TNRC6C: variants seen among roughly 807,000 people sequenced by gnomAD.
The protein encoded by TNRC6C is trinucleotide repeat-containing gene 6C protein.
In TNRC6C, 20 loss-of-function variants were observed where a neutral mutation model predicts 153.7. The observed-to-expected ratio is 0.13, with a 90% CI of 0.09 to 0.19. The LOEUF (loss-of-function observed/expected upper bound fraction) is 0.19, where lower values mean the gene tolerates loss of function less well. TNRC6C is among the 10% of genes least tolerant of loss of function. The pLI, the probability that TNRC6C is intolerant of heterozygous loss-of-function variation, is 1.00. For synonymous variants in TNRC6C, 811 were observed against 841.4 expected (o/e 0.96, Z 0.63); for missense variants, 1,987 against 2,172.0 (o/e 0.91, Z 1.69).
At chr17:78,072,963 A>C in intron 6 of TNRC6C, 74 bp from the exon 9 acceptor site, 2 of 1,082,400 alleles carry the variant, frequency 1.8e-6, no homozygotes, top group Non-Finnish European at 2.7e-6. Flanking sequence ...TTAAGTTGAT[A>C]GTGATTAAAT....
Position 78,102,364 on chromosome 17 carries a change from C to T in TNRC6C, c.4502-110C>T, listed in dbSNP as rs528285389. The T allele has an allele frequency of 5.1e-5, 50 of 979,960 alleles. No homozygotes were observed. The African/African-American group carries it at 5.5e-4, about 11-fold the overall frequency. The allele number at this position is 979,960 out of a possible 1,614,324, so 60.7% of individuals were successfully genotyped here. ...GGCTGAGAAAGGCTTTCCTAAAGCACGCAGTGACGGCCTGTGCTGTCCCAC... is the reference window on the plus strand; with the variant it reads ...GGCTGAGAAAGGCTTTCCTAAAGCATGCAGTGACGGCCTGTGCTGTCCCAC... On this transcript the variant is annotated intron_variant, in intron 17 of 19. Transcript: ENST00000301624.
At chr17:77,967,475 T>C (rs2070906835) in intron 1 of TNRC6C, among the ~76,000 whole-genome samples, 1 of 152,164 alleles carries the variant, frequency 6.6e-6, no homozygotes, top group Non-Finnish European at 1.5e-5. Flanking sequence ...ATCAACTGTG[T>C]TTTCAACTAG....
chr17:77,961,265 C>T (rs2070859951), intron 1 of TNRC6C, among the ~76,000 whole-genome samples: 1 of 151,908 alleles, frequency 6.6e-6, no homozygotes, highest in African/African-American at 2.4e-5. Context: ...AAGCGATTCT[C>T]TTGCCTCACC....
At chr17:78,059,132 T>C (rs975874794) in intron 3 of TNRC6C, among the ~76,000 whole-genome samples, 2 of 152,234 alleles carry the variant, frequency 1.3e-5, no homozygotes, top group African/African-American at 2.4e-5. Flanking sequence ...GTATAAAAAC[T>C]ACACCAAAAG....
At chr17:78,013,219 A>T (rs760133959) in intron 1 of TNRC6C, among the ~76,000 whole-genome samples, 1 of 152,218 alleles carries the variant, frequency 6.6e-6, no homozygotes, top group Non-Finnish European at 1.5e-5. Flanking sequence ...GATCTTCTGG[A>T]CCAGAGAGGG....
chr17:78,072,199 G>A (rs1284903856), intron 6 of TNRC6C, among the ~76,000 whole-genome samples: 1 of 152,328 alleles, frequency 6.6e-6, no homozygotes, highest in South Asian at 2.1e-4. Flanking sequence ...CTGTGTGAGT[G>A]GGCAAGAGGT....
intron 8 of TNRC6C, 34 bp from the exon 11 acceptor site, chr17:78,077,151 C>A: frequency 1.3e-6 from 2 of 1,586,618 alleles, no homozygotes; most frequent in Non-Finnish European, 1.7e-6. Context: ...CTGATGGACA[C>A]TGCACACAGC....
chr17:77,967,418 T>C (rs2070906426), intron 1 of TNRC6C, among the ~76,000 whole-genome samples: 1 of 152,098 alleles, frequency 6.6e-6, no homozygotes, highest in African/African-American at 2.4e-5. Flanking sequence ...GGAGAGAAGA[T>C]TGATAATTGA....
At chr17:78,046,604 A>G (rs1378363719) in intron 2 of TNRC6C, among the ~76,000 whole-genome samples, 3 of 152,122 alleles carry the variant, frequency 2.0e-5, no homozygotes, top group South Asian at 4.1e-4. Flanking sequence ...AGCATAGTCA[A>G]ATTTATCACC....
At chr17:78,074,131 A>C (rs537212460) in intron 7 of TNRC6C, among the ~76,000 whole-genome samples, 1 of 152,288 alleles carries the variant, frequency 6.6e-6, no homozygotes, top group Non-Finnish European at 1.5e-5. Context: ...TGAGCTTAGA[A>C]ACATGAGACA....
At chr17:78,015,911 CAATAAT>C (rs1170240618) in intron 1 of TNRC6C, among the ~76,000 whole-genome samples, 1 of 152,006 alleles carries the variant, frequency 6.6e-6, no homozygotes, top group African/African-American at 2.4e-5. Context: ...GACTCCATCT[CAATAAT>C]AAATAAATAA....
intron 2 of TNRC6C, 104 bp downstream of exon 4, chr17:78,031,946 A>C: frequency 1.1e-6 from 1 of 943,030 alleles, no homozygotes; most frequent in Non-Finnish European, 1.4e-6. Context: ...CCATACTCAC[A>C]ACATACACAG....
intron 1 of TNRC6C, among the ~76,000 whole-genome samples, chr17:77,970,122 C>T (rs569625008): frequency 5.3e-5 from 8 of 152,316 alleles, no homozygotes; most frequent in Non-Finnish European, 1.5e-5. Flanking sequence ...TCTTCTGGTT[C>T]TTCAACACAA....
At chr17:78,069,965 C>T (rs536031507) in intron 5 of TNRC6C, among the ~76,000 whole-genome samples, 1 of 152,272 alleles carries the variant, frequency 6.6e-6, no homozygotes, top group East Asian at 1.9e-4. Flanking sequence ...AGAACAGGAA[C>T]TAAGCAAATG....
Position 78,104,955 on chromosome 17 carries a change from C to A in TNRC6C, c.*110C>A. ...GCAGCGGCCGCCCTTTTGAGTACCT[C>A]TGTCCAGGACTGAAGACGAACCTTG... On this transcript the variant is annotated 3_prime_UTR_variant, in exon 20 of 20. Transcript: ENST00000301624. The surrounding 1 kb of genome is among the most constrained non-coding windows in gnomAD (Gnocchi z 6.2). 1 of 1,314,264 alleles carries A rather than the reference C, an allele frequency of 7.6e-7. No homozygotes were observed. The highest frequency in any genetic ancestry group is 9.7e-7 in the Non-Finnish European group (1 of 1,026,682). The allele number at this position is 1,314,264 out of a possible 1,614,324, so 81.4% of individuals were successfully genotyped here. A position where few individuals can be genotyped will look rare whatever the true frequency, so the allele number is the denominator to read the frequency against.
At chr17:78,064,563 G>T (rs981951124) in intron 3 of TNRC6C, among the ~76,000 whole-genome samples, 159 bp from the exon 6 acceptor site, 1 of 152,048 alleles carries the variant, frequency 6.6e-6, no homozygotes, top group Non-Finnish European at 1.5e-5. Context: ...AAACAAATCT[G>T]ATTACATGTA....
At chr17:78,053,936 A>G (rs1222392395) in intron 3 of TNRC6C, among the ~76,000 whole-genome samples, 1 of 152,184 alleles carries the variant, frequency 6.6e-6, no homozygotes, top group Non-Finnish European at 1.5e-5. Context: ...CAATGGTGAT[A>G]CATTCTAAGA....
At chr17:78,050,419 C>G in exon 3 of TNRC6C, 1 of 1,614,024 alleles carries the variant, frequency 6.2e-7, no homozygotes, top group South Asian at 1.1e-5. Flanking sequence ...GGGACAGACT[C>G]CTGTAAAGCA....
intron 18 of TNRC6C, among the ~76,000 whole-genome samples, chr17:78,103,075 A>G (rs1289946628): frequency 6.6e-6 from 1 of 152,202 alleles, no homozygotes; most frequent in Non-Finnish European, 1.5e-5. Context: ...CACGTCTCCC[A>G]AGTCTGTTGT....
Sources: gnomAD v4.1 joint callset for allele counts (sites outside exome capture counted in the v4.1 genomes callset) on GRCh38, gnomAD v4.1.1 for gene constraint, Gnocchi (gnomAD v3.1) non-coding constraint, MANE v1.5 for transcripts, NCBI Gene and HGNC (gene_info 2026-07-23, HGNC 2026-07-21) for gene names.